Variants in STPG2 observed in about 807,000 individuals in gnomAD.
The protein encoded by STPG2 is sperm-tail PG-rich repeat-containing protein 2.
Under a neutral mutation model 54.2 loss-of-function variants are expected in STPG2, and 56 were observed. That is an observed-to-expected ratio of 1.03 (90% CI 0.83 to 1.29). The LOEUF is 1.29. STPG2 is among the 50% of genes most tolerant of loss of function. STPG2 has a pLI of 0.00. For synonymous variants in STPG2, 200 were observed against 181.8 expected, an observed-to-expected ratio of 1.10 and a Z score of -0.81; for missense variants, 596 against 544.9, an observed-to-expected ratio of 1.09 and a Z score of -0.93.
intron 8 of STPG2, among the ~76,000 whole-genome samples, chr4:97,904,603 C>A (rs1475181728): frequency 6.6e-6 from 1 of 152,168 alleles, no homozygotes; most frequent in Non-Finnish European, 1.5e-5. Flanking sequence ...CAAAGCTGGA[C>A]AGAGAATGAC....
At chr4:97,859,740 G>A (rs769641611) in intron 8 of STPG2, among the ~76,000 whole-genome samples, 15 of 152,204 alleles carry the variant, frequency 9.9e-5, no homozygotes, top group Non-Finnish European at 1.9e-4. Flanking sequence ...GGGATTATAT[G>A]TGTGATTATA....
At chr4:97,597,344 T>A (rs1273767690) in intron 10 of STPG2, among the ~76,000 whole-genome samples, 1 of 152,078 alleles carries the variant, frequency 6.6e-6, no homozygotes, top group Non-Finnish European at 1.5e-5. Context: ...AAAGAGCTGA[T>A]ACCATTCCTA....
rs1740345526 is a variant in STPG2, at chr4:98,143,083, G to C, written c.68C>G (p.Pro23Arg). Reference sequence around the variant, plus strand: ...CAGGAAAGGTACCTGGTAGGATCCAGGACCCACATGGGCCTCAGTGCTGCC... The same window carrying C: ...CAGGAAAGGTACCTGGTAGGATCCACGACCCACATGGGCCTCAGTGCTGCC... ...EGGSTEAHVG[P>R]GSYQVPFLKQ... The change falls in exon 1 of 11, where the codon CCT becomes CGT. Residue 23 changes from proline (P) to arginine (R), a missense_variant. Transcript: ENST00000295268. 1.2e-6 allele frequency: 2 copies of C among 1,613,762 alleles called. No homozygotes were observed. Among genetic ancestry groups the C allele is most frequent in the East Asian group, 2.2e-5 (1 of 44,874 alleles).
chr4:98,033,502 A>G (rs1355905217), intron 5 of STPG2, among the ~76,000 whole-genome samples: 3 of 152,288 alleles, frequency 2.0e-5, no homozygotes, highest in Non-Finnish European at 2.9e-5. Context: ...AGATGGATTC[A>G]CAGCCAAATT....
At chr4:97,997,892 T>G (rs541500952) in intron 5 of STPG2, among the ~76,000 whole-genome samples, 33 of 152,200 alleles carry the variant, frequency 2.2e-4, no homozygotes, top group African/African-American at 7.9e-4. Context: ...TTTACCTATA[T>G]AACAAACCTG....
At chr4:97,840,646 T>G in intron 9 of STPG2, 127 bp downstream of exon 9, 1 of 1,024,010 alleles carries the variant, frequency 9.8e-7, no homozygotes, top group Non-Finnish European at 1.4e-6. Flanking sequence ...ATGAGAAAAA[T>G]GGTTTTGTTA....
intron 9 of STPG2, among the ~76,000 whole-genome samples, chr4:97,727,658 T>A (rs1560504081): frequency 6.6e-6 from 1 of 151,780 alleles, no homozygotes; most frequent in Non-Finnish European, 1.5e-5. Context: ...GCCTGTGATA[T>A]GCTAATTCAC....
At chr4:97,901,073 G>T (rs1731159525) in intron 8 of STPG2, among the ~76,000 whole-genome samples, 1 of 151,774 alleles carries the variant, frequency 6.6e-6, no homozygotes, top group Non-Finnish European at 1.5e-5. Context: ...GTAACATATT[G>T]AATAAACAAA....
Position 97,912,716 on chromosome 4 carries a change from T to C in STPG2, c.1044+31181A>G, listed in dbSNP as rs137873685. 2.7e-3 allele frequency among the ~76,000 whole-genome samples: 411 copies of C among 152,302 alleles called. No individual in the cohort carries two copies. In the Middle Eastern group the frequency reaches 0.031, roughly 11 times the overall value. On this transcript the variant is annotated intron_variant, in intron 8 of 10. Transcript: ENST00000295268. ...TTAAAAAGACCAAACCTATGAATGA[T>C]TGAGGTGCCTGAAAGAGACAGAAAG...
chr4:97,906,650 T>A (rs1731437211), intron 8 of STPG2, among the ~76,000 whole-genome samples: 1 of 151,842 alleles, frequency 6.6e-6, no homozygotes, highest in African/African-American at 2.4e-5. Context: ...CAGCAGCACA[T>A]CAAAAAGCTT....
intron 10 of STPG2, among the ~76,000 whole-genome samples, chr4:97,693,701 TG>T: frequency 1.3e-5 from 2 of 152,246 alleles, no homozygotes; most frequent in East Asian, 3.9e-4. Flanking sequence ...ACCCAACAAT[TG>T]CAAAATATAC....
At chr4:97,748,570 C>T (rs1051130683) in intron 9 of STPG2, among the ~76,000 whole-genome samples, 5 of 151,514 alleles carry the variant, frequency 3.3e-5, no homozygotes, top group African/African-American at 1.2e-4. Flanking sequence ...CAGGGACCAA[C>T]AAGCTTTTGC....
At chr4:97,443,757 C>A (rs1435893436) in intron 4 of STPG2, among the ~76,000 whole-genome samples, 2 of 152,080 alleles carry the variant, frequency 1.3e-5, no homozygotes, top group Non-Finnish European at 2.9e-5. Context: ...TGAGACAAAA[C>A]ATCAAATTAT....
At chr4:98,040,403 T>A (rs942720809) in intron 5 of STPG2, among the ~76,000 whole-genome samples, 1 of 151,980 alleles carries the variant, frequency 6.6e-6, no homozygotes, top group African/African-American at 2.4e-5. Context: ...TGGGCCAATG[T>A]CCGGAAAAAT....
chr4:97,729,072 T>TCTCTCTCTCTCTCTCTCTCG (rs1200154008), intron 9 of STPG2, among the ~76,000 whole-genome samples: 1 of 149,376 alleles, frequency 6.7e-6, no homozygotes, highest in Admixed American at 6.7e-5. Flanking sequence ...TTTCTCTCTC[T>TCTCTCTCTCTCTCTCTCTCG]CTCTCTCTCT....
intron 8 of STPG2, among the ~76,000 whole-genome samples, chr4:97,924,782 C>A (rs1369472688): frequency 6.6e-6 from 1 of 152,066 alleles, no homozygotes; most frequent in Admixed American, 6.6e-5. Flanking sequence ...GTAGATAAGT[C>A]ATGTTTGCAT....
At chr4:97,943,164 G>C (rs1330447982) in intron 8 of STPG2, among the ~76,000 whole-genome samples, 1 of 152,044 alleles carries the variant, frequency 6.6e-6, no homozygotes, top group African/African-American at 2.4e-5. Context: ...TTTTATAAGA[G>C]TACTAATCCT....
At chr4:97,934,786 A>G (rs1232758739) in intron 8 of STPG2, among the ~76,000 whole-genome samples, 1 of 152,080 alleles carries the variant, frequency 6.6e-6, no homozygotes, top group Admixed American at 6.6e-5. Flanking sequence ...TTTTGCATCT[A>G]TGTTCATCAG....
At chr4:98,129,207 GT>G in intron 2 of STPG2, among the ~76,000 whole-genome samples, 1 of 152,294 alleles carries the variant, frequency 6.6e-6, no homozygotes, top group East Asian at 1.9e-4. Flanking sequence ...ATCTTGCTTA[GT>G]AAAGCCACCA....
Sources: allele counts gnomAD v4.1 joint callset (sites outside exome capture counted in the v4.1 genomes callset), GRCh38; gene constraint gnomAD v4.1.1; transcripts MANE v1.5; gene names NCBI Gene and HGNC (gene_info 2026-07-23, HGNC 2026-07-21).